The following GRXCR1 variants were observed in gnomAD, a reference collection of about 807,000 sequenced individuals.
The protein encoded by GRXCR1 is glutaredoxin domain-containing cysteine-rich protein 1.
A neutral mutation model predicts 27.3 loss-of-function variants in GRXCR1; 27 were observed. The ratio of observed to expected loss-of-function variants is 0.99; its 90% CI spans 0.73 to 1.37. The LOEUF (loss-of-function observed/expected upper bound fraction) is 1.37. GRXCR1 is among the 40% of genes most tolerant of loss of function. The probability of loss-of-function intolerance (pLI) is 0.00; values close to 1 mark genes in which losing one functional copy is unlikely to be tolerated. For missense variants in GRXCR1, 379 were observed against 354.4 expected (o/e 1.07, Z -0.56); for synonymous variants, 122 against 131.1 (o/e 0.93, Z 0.47).
At position 42,893,525 on chromosome 4, in the gene GRXCR1, G is replaced by A; in HGVS notation, c.259G>A (p.Ala87Thr). 6.2e-7 allele frequency: 1 copy of A among 1,613,896 alleles called. No homozygotes were observed. The stretch of plus-strand genomic sequence containing the variant: ...TAGCTTGCTGGTGTTAGCAAGGGCT[G>A]CCAGTGAGAAGGGTTTTGGTACAAG... ...QDSLLVLARA[A>T]SEKGFGTRRV... is the part of the protein sequence containing the mutation. The change falls in exon 1 of 4, where the codon GCC becomes ACC. Residue 87 changes from alanine (A) to threonine (T), a missense_variant. Ala to Thr is a moderately conservative substitution (Grantham distance 58, BLOSUM62 0). Transcript: ENST00000399770.
chr4:42,934,292 A>T (rs562720437), intron 1 of GRXCR1, among the ~76,000 whole-genome samples: 1 of 151,116 alleles, frequency 6.6e-6, no homozygotes, highest in African/African-American at 2.4e-5. Flanking sequence ...GCATATCCGA[A>T]GTACTGTTTG....
Position 43,022,971 on chromosome 4 carries a change from C to T in GRXCR1, c.693+2552C>T, listed in dbSNP as rs1188840370. ...GAATGGAGGTACAGAAAGACAAAAT[C>T]ACTTGCTCAAGAGTGTTTAGGTAGT... On this transcript the variant is annotated intron_variant, in intron 3 of 3. Coordinates refer to ENST00000399770, the MANE Select transcript of GRXCR1 (RefSeq NM_001080476.3). Among the ~76,000 whole-genome samples the T allele has an allele frequency of 5.3e-5, 8 of 152,328 alleles. No homozygotes were observed. The East Asian group carries it at 1.3e-3, about 26-fold the overall frequency.
At chr4:42,947,592 A>G (rs1443116764) in intron 1 of GRXCR1, among the ~76,000 whole-genome samples, 1 of 152,140 alleles carries the variant, frequency 6.6e-6, no homozygotes, top group Non-Finnish European at 1.5e-5. Flanking sequence ...GAGACTTATT[A>G]TTTTGTTCAA....
intron 2 of GRXCR1, among the ~76,000 whole-genome samples, chr4:42,989,297 G>C (rs1324702365): frequency 7.9e-5 from 12 of 152,030 alleles, no homozygotes; most frequent in Non-Finnish European, 1.5e-5. Flanking sequence ...GTGTCCTCAC[G>C]TGGCCTTTTC....
chr4:42,950,748 G>A (rs773121937), intron 1 of GRXCR1, among the ~76,000 whole-genome samples: 1 of 152,072 alleles, frequency 6.6e-6, no homozygotes, highest in Non-Finnish European at 1.5e-5. Context: ...TCCCATATTA[G>A]AGAACAGAAA....
intron 2 of GRXCR1, among the ~76,000 whole-genome samples, chr4:42,970,872 T>G (rs1836889): frequency 0.97 from 147,985 of 152,274 alleles, 71,933 homozygotes; most frequent in East Asian, 1. Context: ...CAGGCTGCAA[T>G]TTTTCCAAAT....
At chr4:43,025,878 A>G (rs1332333010) in intron 3 of GRXCR1, among the ~76,000 whole-genome samples, 3 of 151,540 alleles carry the variant, frequency 2.0e-5, no homozygotes, top group Non-Finnish European at 4.4e-5. Flanking sequence ...CGGGAGGCTG[A>G]GGCAGGAGAA....
chr4:42,986,175 A>C (rs1250162793), intron 2 of GRXCR1, among the ~76,000 whole-genome samples: 1 of 152,220 alleles, frequency 6.6e-6, no homozygotes, highest in East Asian at 1.9e-4. Flanking sequence ...TTTCCAAAAC[A>C]CAAAAATTAA....
At chr4:42,912,948 G>T (rs970823539) in intron 1 of GRXCR1, among the ~76,000 whole-genome samples, 4 of 152,044 alleles carry the variant, frequency 2.6e-5, no homozygotes, top group African/African-American at 9.7e-5. Context: ...TTTTATAAGG[G>T]GGTTTTATAA....
chr4:42,929,647 G>A (rs1481515725), intron 1 of GRXCR1, among the ~76,000 whole-genome samples: 2 of 151,854 alleles, frequency 1.3e-5, no homozygotes, highest in Admixed American at 6.6e-5. Flanking sequence ...ACGGAGAAAT[G>A]CTACTTAAAG....
intron 1 of GRXCR1, among the ~76,000 whole-genome samples, chr4:42,956,991 A>G (rs953648561): frequency 3.0e-4 from 45 of 152,076 alleles, no homozygotes; most frequent in African/African-American, 1.1e-3. Flanking sequence ...CTTCATACCT[A>G]TCTAGAGTCA....
rs1713052322 is a variant in GRXCR1, at chr4:43,020,260, C to T, written c.628-94C>T. ...CAGCTCCAAAGGGAAGAACTGTGCT[C>T]AGTATTTTGTGGGTTAAGCTTTCCT... On this transcript the variant is annotated intron_variant, in intron 2 of 3. Transcript: ENST00000399770. 3.8e-6 allele frequency: 3 copies of T among 793,364 alleles called. No individual in the cohort carries two copies. The South Asian group carries it at 4.2e-5, about 11-fold the overall frequency. 49.1% of individuals were successfully genotyped at this position (793,364 alleles called of 1,614,324 possible).
chr4:42,957,335 T>C (rs1748027899), intron 1 of GRXCR1, among the ~76,000 whole-genome samples: 1 of 152,110 alleles, frequency 6.6e-6, no homozygotes, highest in Non-Finnish European at 1.5e-5. Flanking sequence ...GAACTCCATG[T>C]TGATATGGAA....
At position 42,974,525 on chromosome 4, in the gene GRXCR1, G is replaced by A. The variant is rs568644568; in HGVS notation, c.627+11391G>A. ...AGCAAGCTGATCTAATCACTAATGC[G>A]GAATGTGCTGTGAGCTTGGTTTCAT... On this transcript the variant is annotated intron_variant, in intron 2 of 3. Transcript: ENST00000399770. 3.9e-5 allele frequency among the ~76,000 whole-genome samples: 6 copies of A among 152,228 alleles called. No individual in the cohort carries two copies. The South Asian group carries it at 6.2e-4, about 16-fold the overall frequency.
intron 2 of GRXCR1, among the ~76,000 whole-genome samples, chr4:42,967,403 A>T (rs1748272362): frequency 6.6e-6 from 1 of 152,032 alleles, no homozygotes. Flanking sequence ...ATAAATCTAT[A>T]CTGTTCTATT....
intron 2 of GRXCR1, among the ~76,000 whole-genome samples, chr4:42,992,567 G>T (rs751358343): frequency 6.6e-6 from 1 of 152,108 alleles, no homozygotes; most frequent in South Asian, 2.1e-4. Flanking sequence ...CTGTGGAAAA[G>T]AGTGATAATC....
intron 1 of GRXCR1, among the ~76,000 whole-genome samples, chr4:42,950,919 T>TTC (rs371100995): frequency 3.3e-5 from 5 of 150,786 alleles, no homozygotes; most frequent in Non-Finnish European, 5.9e-5. Context: ...ATGTCTATAT[T>TTC]TCTCTCTCTC....
chr4:42,980,056 C>T (rs11736502), intron 2 of GRXCR1, among the ~76,000 whole-genome samples: 1 of 141,658 alleles, frequency 7.1e-6, no homozygotes, highest in Non-Finnish European at 1.5e-5. Context: ...TCTTTTTTTC[C>T]TTAGTCTAGC....
intron 2 of GRXCR1, among the ~76,000 whole-genome samples, chr4:42,996,242 A>G (rs892855015): frequency 6.6e-6 from 1 of 152,200 alleles, no homozygotes; most frequent in South Asian, 2.1e-4. Flanking sequence ...ACAGAAATCT[A>G]TCTTGAACAT....
Sources: gnomAD v4.1 joint callset for allele counts (sites outside exome capture counted in the v4.1 genomes callset) on GRCh38, gnomAD v4.1.1 for gene constraint, MANE v1.5 for transcripts, NCBI Gene and HGNC (gene_info 2026-07-23, HGNC 2026-07-21) for gene names.